CSMD1: variants seen among roughly 807,000 people sequenced by gnomAD.
CSMD1 encodes CUB and sushi domain-containing protein 1.
Under a neutral mutation model 417.5 loss-of-function variants are expected in CSMD1, and 213 were observed. The ratio of observed to expected loss-of-function variants is 0.51; its 90% confidence interval spans 0.46 to 0.57. The LOEUF (loss-of-function observed/expected upper bound fraction) is 0.57, where lower values mean the gene tolerates loss of function less well. CSMD1 is among the 20% of genes least tolerant of loss of function. The pLI, the probability that CSMD1 is intolerant of heterozygous loss-of-function variation, is 0.00. For missense variants in CSMD1, 6,923 were observed against 4,529.7 expected, an observed-to-expected ratio of 1.53 and a Z score of -15.17; for synonymous variants, 2,862 against 1,736.8, an observed-to-expected ratio of 1.65 and a Z score of -16.11.
intron 8 of CSMD1, among the ~76,000 whole-genome samples, chr8:3,610,897 C>G (rs760072279): frequency 1.3e-5 from 2 of 151,752 alleles, no homozygotes; most frequent in Non-Finnish European, 2.9e-5. Flanking sequence ...ATTGACAGTG[C>G]AGAAACAATG....
At chr8:3,556,414 T>TATATATATATATATATATA (rs1349911850) in intron 10 of CSMD1, among the ~76,000 whole-genome samples, 88 of 141,912 alleles carry the variant, frequency 6.2e-4, no homozygotes, top group Non-Finnish European at 8.5e-4. Context: ...TATATATATA[T>TATATATATATATATATATA]TCACACACAC....
chr8:3,993,939 G>C (rs780044502), intron 5 of CSMD1, among the ~76,000 whole-genome samples: 1 of 152,174 alleles, frequency 6.6e-6, no homozygotes, highest in African/African-American at 2.4e-5. Flanking sequence ...ATGCACCAGG[G>C]ATGAAAACGC....
At chr8:4,035,068 G>T (rs984874502) in intron 3 of CSMD1, among the ~76,000 whole-genome samples, 2 of 152,118 alleles carry the variant, frequency 1.3e-5, no homozygotes, top group Admixed American at 1.3e-4. Context: ...CGTGCAGAAA[G>T]ATCAACGAAA....
At chr8:3,838,377 T>C (rs1362141913) in intron 5 of CSMD1, among the ~76,000 whole-genome samples, 1 of 146,802 alleles carries the variant, frequency 6.8e-6, no homozygotes. Context: ...CTCTACTATA[T>C]ATACGCACTA....
chr8:4,370,978 T>C (rs968750062), intron 3 of CSMD1, among the ~76,000 whole-genome samples: 14 of 152,334 alleles, frequency 9.2e-5, no homozygotes, highest in Admixed American at 2.6e-4. Flanking sequence ...GTGTGATTGT[T>C]TGGAGGCAAG....
intron 7 of CSMD1, among the ~76,000 whole-genome samples, chr8:3,661,750 G>C (rs979921330): frequency 5.9e-5 from 9 of 152,080 alleles, no homozygotes; most frequent in Non-Finnish European, 1.0e-4. Context: ...ACCCGCCCTG[G>C]CTTCCCAAAG....
chr8:3,119,539 G>C (rs1245616292), intron 41 of CSMD1, among the ~76,000 whole-genome samples: 2 of 152,034 alleles, frequency 1.3e-5, no homozygotes, highest in Non-Finnish European at 2.9e-5. Context: ...GATAATAAAT[G>C]TTTGCAGTCT....
intron 2 of CSMD1, among the ~76,000 whole-genome samples, chr8:4,563,471 C>T (rs1479120931): frequency 1.3e-5 from 2 of 152,072 alleles, no homozygotes; most frequent in Non-Finnish European, 2.9e-5. Flanking sequence ...AATGCCAAGG[C>T]ACAGGCTCTC....
intron 5 of CSMD1, among the ~76,000 whole-genome samples, chr8:3,776,689 C>T (rs1388564052): frequency 6.6e-6 from 1 of 152,030 alleles, no homozygotes; most frequent in East Asian, 1.9e-4. Flanking sequence ...TACCTGATTT[C>T]ATACAGATGG....
intron 26 of CSMD1, among the ~76,000 whole-genome samples, chr8:3,280,632 T>C (rs1350016950): frequency 1.3e-5 from 2 of 152,204 alleles, no homozygotes; most frequent in Admixed American, 6.5e-5. Context: ...CGTGAAACCA[T>C]GTGAAATTGT....
chr8:4,593,073 G>A (rs1475932831), intron 2 of CSMD1, among the ~76,000 whole-genome samples: 4 of 152,168 alleles, frequency 2.6e-5, no homozygotes, highest in South Asian at 4.2e-4. Flanking sequence ...CTCATCCTGC[G>A]ATATCTTGCA....
At chr8:3,719,527 T>C (rs1802027569) in intron 6 of CSMD1, among the ~76,000 whole-genome samples, 1 of 152,196 alleles carries the variant, frequency 6.6e-6, no homozygotes. Flanking sequence ...ATGAAGACTT[T>C]GGGAAAATTA....
intron 5 of CSMD1, among the ~76,000 whole-genome samples, chr8:3,989,768 A>G (rs1471358285): frequency 2.0e-5 from 3 of 152,192 alleles, no homozygotes; most frequent in African/African-American, 7.2e-5. Context: ...CTAGGCCACT[A>G]CTCATTTAAA....
chr8:4,117,207 A>G (rs5016253), intron 3 of CSMD1, among the ~76,000 whole-genome samples: 149,892 of 151,514 alleles, frequency 0.99, 74,169 homozygotes, highest in East Asian at 1. Context: ...AATGGCTTCC[A>G]AGGACCCCCT....
At chr8:4,213,757 A>T (rs1585035035) in intron 3 of CSMD1, among the ~76,000 whole-genome samples, 1 of 152,142 alleles carries the variant, frequency 6.6e-6, no homozygotes, top group Non-Finnish European at 1.5e-5. Flanking sequence ...CATGGCTGAG[A>T]TGGGGTTCCC....
At chr8:4,734,930 T>C (rs1375468995) in intron 1 of CSMD1, among the ~76,000 whole-genome samples, 1 of 152,202 alleles carries the variant, frequency 6.6e-6, no homozygotes, top group Non-Finnish European at 1.5e-5. Flanking sequence ...GGTCTGGCTT[T>C]AGCAAACTAC....
chr8:4,191,513 T>A lies in CSMD1; in HGVS notation c.416-159414A>T, dbSNP rs139403094. On this transcript the variant is annotated intron_variant, in intron 3 of 69. Transcript: ENST00000635120. ...ACTTGTCTGCAAGATACTGGTGAAG[T>A]GGAGGTCACTAAAACATGTGTCTCA... 2.2e-3 allele frequency among the ~76,000 whole-genome samples: 342 copies of A among 152,278 alleles called. 2 individuals carry two copies. The highest frequency in any genetic ancestry group is 3.4e-3 in the Middle Eastern group (1 of 294).
At chr8:4,486,180 C>CATATATATATATATATATACATACAT (rs1563223802) in intron 2 of CSMD1, among the ~76,000 whole-genome samples, 4 of 17,608 alleles carry the variant, frequency 2.3e-4, no homozygotes, top group Non-Finnish European at 4.4e-4. Context: ...TATATACATA[C>CATATATATATATATATATACATACAT]ATATATATAT....
intron 1 of CSMD1, among the ~76,000 whole-genome samples, chr8:4,727,972 T>TAC (rs1043908212): frequency 3.4e-5 from 5 of 145,044 alleles, no homozygotes; most frequent in Non-Finnish European, 6.0e-5. Flanking sequence ...ATACAAAATA[T>TAC]ATATGTATAT....
Sources: allele counts gnomAD v4.1 joint callset (sites outside exome capture counted in the v4.1 genomes callset), GRCh38; gene constraint gnomAD v4.1.1; transcripts MANE v1.5; gene names NCBI Gene and HGNC (gene_info 2026-07-23, HGNC 2026-07-21).